The following PTGFR variants were observed in gnomAD, a reference collection of about 807,000 sequenced individuals.
PTGFR encodes the protein prostaglandin F receptor, also known as prostaglandin F2-alpha receptor.
PTGFR carries 15 observed loss-of-function variants against 26.2 expected under a neutral mutation model. That is an observed-to-expected ratio of 0.57 (90% CI 0.38 to 0.88). The LOEUF is 0.88. PTGFR is among the 40% of genes least tolerant of loss of function. PTGFR has a pLI of 0.00. For synonymous variants in PTGFR, 165 were observed against 151.1 expected, an observed-to-expected ratio of 1.09 and a Z score of -0.68; for missense variants, 369 against 427.2, an observed-to-expected ratio of 0.86 and a Z score of 1.20.
chr1:78,501,326 C>T (rs1649699826), intron 2 of PTGFR, among the ~76,000 whole-genome samples: 1 of 152,112 alleles, frequency 6.6e-6, no homozygotes, highest in Non-Finnish European at 1.5e-5. Context: ...TTTTGGAAGT[C>T]ATGTATAGCC....
intron 2 of PTGFR, among the ~76,000 whole-genome samples, chr1:78,497,137 A>T (rs919810012): frequency 2.0e-5 from 3 of 152,132 alleles, no homozygotes; most frequent in Non-Finnish European, 4.4e-5. Context: ...AAAGGGGAAA[A>T]TGTGCTTTCC....
intron 2 of PTGFR, among the ~76,000 whole-genome samples, chr1:78,512,247 C>T (rs1334179628): frequency 6.6e-6 from 1 of 152,232 alleles, no homozygotes; most frequent in East Asian, 1.9e-4. Flanking sequence ...TATATCAACA[C>T]TCCGCTCATG....
intron 2 of PTGFR, among the ~76,000 whole-genome samples, chr1:78,505,120 C>CTTT (rs11383272): frequency 1.2e-4 from 15 of 127,198 alleles, no homozygotes; most frequent in East Asian, 2.3e-4. Context: ...TTTATTCTAA[C>CTTT]TTTTTTTTTT....
intron 2 of PTGFR, among the ~76,000 whole-genome samples, chr1:78,513,169 A>G (rs1026996093): frequency 6.6e-6 from 1 of 152,216 alleles, no homozygotes; most frequent in African/African-American, 2.4e-5. Context: ...TGGCTTTGGA[A>G]CTGTAAAATG....
Position 78,535,714 on chromosome 1 carries a change from T to A in PTGFR, c.799-692T>A, listed in dbSNP as rs542728833. Among the ~76,000 whole-genome samples the A allele has an allele frequency of 2.0e-5, 3 of 152,288 alleles. No individual in the cohort carries two copies. The East Asian group carries it at 5.8e-4, about 29-fold the overall frequency. On this transcript the variant is annotated intron_variant, in intron 2 of 2. Coordinates refer to ENST00000370757, the MANE Select transcript of PTGFR (RefSeq NM_000959.4). ...ATAGAACTGATTCCATGAAATGATCTCTTCAAAATCATGGGTGGTCAGGAA... is the reference window on the plus strand; with the variant it reads ...ATAGAACTGATTCCATGAAATGATCACTTCAAAATCATGGGTGGTCAGGAA...
intron 2 of PTGFR, among the ~76,000 whole-genome samples, chr1:78,535,906 T>C (rs1006460401): frequency 1.3e-5 from 2 of 152,116 alleles, no homozygotes; most frequent in African/African-American, 4.8e-5. Context: ...AAATAGAAAA[T>C]TGAAGACAGT....
chr1:78,494,541 T>C (rs981004182), intron 2 of PTGFR, among the ~76,000 whole-genome samples: 2 of 152,242 alleles, frequency 1.3e-5, no homozygotes, highest in African/African-American at 4.8e-5. Context: ...TTGTTACTAA[T>C]GCAGTTTTCC....
At position 78,493,084 on chromosome 1, in the gene PTGFR, G is replaced by A. The variant is rs1443637367; in HGVS notation, c.341G>A (p.Cys114Tyr). ...SNVLCSIFGI[C>Y]MVFSGLCPLL... is the part of the protein sequence containing the mutation. Reference sequence around the variant, plus strand: ...GTCCTTTGCAGTATTTTTGGTATCTGCATGGTGTTTTCTGGTCTGTGCCCA... The same window carrying A: ...GTCCTTTGCAGTATTTTTGGTATCTACATGGTGTTTTCTGGTCTGTGCCCA... Residue 114 changes from cysteine (C) to tyrosine (Y), a missense_variant, in exon 2 of 3, where the codon TGC becomes TAC. By Grantham distance (194) the Cys-to-Tyr change is radical. Transcript: ENST00000370757. The A allele has an allele frequency of 6.2e-7, 1 of 1,614,222 alleles. No individual in the cohort carries two copies. The highest frequency in any genetic ancestry group is 8.5e-7 in the Non-Finnish European group (1 of 1,180,048).
At chr1:78,491,533 G>A (rs995726368) in intron 1 of PTGFR, among the ~76,000 whole-genome samples, 1 of 152,246 alleles carries the variant, frequency 6.6e-6, no homozygotes, top group African/African-American at 2.4e-5. Flanking sequence ...GGCACTGCGA[G>A]TTCCTCACCC....
intron 2 of PTGFR, among the ~76,000 whole-genome samples, chr1:78,533,611 A>T (rs1650573798): frequency 6.6e-6 from 1 of 152,174 alleles, no homozygotes; most frequent in Admixed American, 6.5e-5. Context: ...GACACTCAAA[A>T]CTACTTGCTG....
At chr1:78,495,186 C>T (rs1298384139) in intron 2 of PTGFR, among the ~76,000 whole-genome samples, 1 of 152,168 alleles carries the variant, frequency 6.6e-6, no homozygotes, top group African/African-American at 2.4e-5. Flanking sequence ...GGCAAGTCAA[C>T]CTTTGGAGAC....
In PTGFR at chr1:78,540,206, G is replaced by T. The variant is rs2100412398; in HGVS notation, c.*3519G>T. 6.6e-6 allele frequency among the ~76,000 whole-genome samples: 1 copy of T among 152,180 alleles called. No individual in the cohort carries two copies. Among genetic ancestry groups the T allele is most frequent in the Non-Finnish European group, 1.5e-5 (1 of 67,990 alleles). On this transcript the variant is annotated 3_prime_UTR_variant, in exon 3 of 3. Coordinates refer to ENST00000370757, the MANE Select transcript of PTGFR (RefSeq NM_000959.4). ...GAGCATGGTGAATCACACACAGGCT[G>T]TTAGAATATCCATCTGGAGGCAACA...
intron 2 of PTGFR, among the ~76,000 whole-genome samples, chr1:78,529,286 C>A: frequency 6.6e-6 from 1 of 152,124 alleles, no homozygotes; most frequent in East Asian, 1.9e-4. Flanking sequence ...CATTGTACCT[C>A]CAATATTACA....
Position 78,514,925 on chromosome 1 carries a change from G to A in PTGFR, c.798+21384G>A, listed in dbSNP as rs139432473. ...ACCTGTGCCCCCTTAACCTGCTGCC[G>A]TGATTGTTAGTTTTCTTAGGCCTTT... On this transcript the variant is annotated intron_variant, in intron 2 of 2. Transcript: ENST00000370757. Among the ~76,000 whole-genome samples, 19 of 152,118 alleles carry A rather than the reference G, an allele frequency of 1.2e-4. No homozygotes were observed. The East Asian group carries it at 2.3e-3, about 19-fold the overall frequency.
intron 2 of PTGFR, among the ~76,000 whole-genome samples, chr1:78,494,296 T>A (rs1649489000): frequency 6.6e-6 from 1 of 152,246 alleles, no homozygotes; most frequent in South Asian, 2.1e-4. Flanking sequence ...AAGTATGACC[T>A]TAACTCCTTC....
intron 2 of PTGFR, among the ~76,000 whole-genome samples, chr1:78,496,231 T>C (rs1017826898): frequency 3.3e-5 from 5 of 152,170 alleles, no homozygotes; most frequent in African/African-American, 1.2e-4. Flanking sequence ...CAAAATAACA[T>C]CCAGTACTAA....
At chr1:78,502,669 T>C (rs1260354789) in intron 2 of PTGFR, among the ~76,000 whole-genome samples, 1 of 152,154 alleles carries the variant, frequency 6.6e-6, no homozygotes, top group Non-Finnish European at 1.5e-5. Context: ...AAATGAATAA[T>C]GGGAATTATA....
At chr1:78,520,468 C>CT (rs1471203559) in intron 2 of PTGFR, among the ~76,000 whole-genome samples, 1 of 151,904 alleles carries the variant, frequency 6.6e-6, no homozygotes, top group Non-Finnish European at 1.5e-5. Context: ...AATTTATACA[C>CT]TGGAAAGAGA....
At position 78,536,645 on chromosome 1, in the gene PTGFR, T is replaced by C. The variant is rs774428996; in HGVS notation, c.1038T>C (p.Ala346=). Residue 346 remains alanine, a synonymous_variant, in exon 3 of 3, where the codon GCT becomes GCC. Coordinates refer to ENST00000370757, the MANE Select transcript of PTGFR (RefSeq NM_000959.4). ...SSIKNSLKVA[A]ISESPVAEKS... ...TTAAAAATTCCTTAAAGGTTGCTGC[T>C]ATTTCTGAGTCACCAGTTGCAGAGA... is the stretch of plus-strand genomic sequence containing the variant. 1 of 1,612,834 alleles carries C rather than the reference T, an allele frequency of 6.2e-7. No individual in the cohort carries two copies. The highest frequency in any genetic ancestry group is 2.2e-5 in the East Asian group (1 of 44,770).
Sources: gnomAD v4.1 joint callset for allele counts (sites outside exome capture counted in the v4.1 genomes callset) on GRCh38, gnomAD v4.1.1 for gene constraint, MANE v1.5 for transcripts, NCBI Gene and HGNC (gene_info 2026-07-23, HGNC 2026-07-21) for gene names.